PDLIM5: variants seen among roughly 807,000 people sequenced by gnomAD.
PDLIM5 encodes PDZ and LIM domain protein 5.
Under a neutral mutation model 64.2 loss-of-function variants are expected in PDLIM5, and 34 were observed. The observed-to-expected ratio is 0.53, with a 90% CI of 0.40 to 0.71. The LOEUF is 0.71. PDLIM5 is among the 30% of genes least tolerant of loss of function. The probability of loss-of-function intolerance (pLI) is 0.00; values close to 1 mark genes in which losing one functional copy is unlikely to be tolerated. For synonymous variants in PDLIM5, 253 were observed against 269.1 expected (o/e 0.94, Z 0.59); for missense variants, 683 against 733.6 (o/e 0.93, Z 0.80).
At chr4:94,651,152 T>C (rs765169550) in intron 9 of PDLIM5, among the ~76,000 whole-genome samples, 51 of 152,222 alleles carry the variant, frequency 3.4e-4, no homozygotes, top group Non-Finnish European at 6.5e-4. Flanking sequence ...AACACTTTGC[T>C]ATATGTGAAA....
intron 7 of PDLIM5, among the ~76,000 whole-genome samples, chr4:94,595,615 G>GT (rs1216996675): frequency 6.6e-6 from 1 of 152,116 alleles, no homozygotes; most frequent in Non-Finnish European, 1.5e-5. Context: ...TGTTTTGTAA[G>GT]TTTTTTTAAA....
chr4:94,455,739 T>A, intron 2 of PDLIM5: 1 of 1,484,870 alleles, frequency 6.7e-7, no homozygotes, highest in South Asian at 1.2e-5. Flanking sequence ...TTTAATAATC[T>A]CTTTCAGTTC....
chr4:94,459,926 C>G (rs150218243), intron 2 of PDLIM5, among the ~76,000 whole-genome samples: 408 of 152,290 alleles, frequency 2.7e-3, no homozygotes, highest in African/African-American at 8.8e-3. Context: ...ATTCTCCAGA[C>G]CTGCCAGCTG....
At chr4:94,595,746 T>C (rs1049205808) in intron 7 of PDLIM5, among the ~76,000 whole-genome samples, 3 of 152,210 alleles carry the variant, frequency 2.0e-5, no homozygotes, top group Admixed American at 1.3e-4. Context: ...TGACATATCC[T>C]TATTAAGACA....
intron 2 of PDLIM5, among the ~76,000 whole-genome samples, chr4:94,464,722 A>G (rs985083801): frequency 6.6e-6 from 1 of 152,162 alleles, no homozygotes; most frequent in African/African-American, 2.4e-5. Flanking sequence ...CAAATATCCT[A>G]CAAATGGTTG....
At chr4:94,649,218 C>T (rs927651988) in intron 9 of PDLIM5, among the ~76,000 whole-genome samples, 1 of 152,060 alleles carries the variant, frequency 6.6e-6, no homozygotes, top group Non-Finnish European at 1.5e-5. Flanking sequence ...TCAAGTGATC[C>T]GCCCGTCTCA....
chr4:94,559,491 A>G (rs1733653942), intron 3 of PDLIM5, among the ~76,000 whole-genome samples: 1 of 152,234 alleles, frequency 6.6e-6, no homozygotes, highest in Non-Finnish European at 1.5e-5. Context: ...TTGGAACACT[A>G]AAGCATCAGC....
At chr4:94,533,337 G>A (rs1289200059) in intron 3 of PDLIM5, among the ~76,000 whole-genome samples, 1 of 152,100 alleles carries the variant, frequency 6.6e-6, no homozygotes, top group Non-Finnish European at 1.5e-5. Flanking sequence ...TTCTCTGAAG[G>A]AAAACTTACT....
chr4:94,491,268 A>G (rs935479349), intron 2 of PDLIM5, among the ~76,000 whole-genome samples: 3 of 152,108 alleles, frequency 2.0e-5, no homozygotes, highest in African/African-American at 7.2e-5. Context: ...TAAGCTTTTG[A>G]GGTATTCAGG....
chr4:94,573,235 T>G (rs1342239107), intron 3 of PDLIM5, 116 bp from the exon 4 acceptor site: 4 of 715,778 alleles, frequency 5.6e-6, no homozygotes, highest in Non-Finnish European at 9.3e-6. Context: ...AAACGATACA[T>G]TCCAGTGATT....
intron 4 of PDLIM5, 78 bp from the exon 5 acceptor site, chr4:94,575,538 C>G: frequency 1.6e-5 from 16 of 1,000,194 alleles, no homozygotes; most frequent in Non-Finnish European, 2.4e-5. Flanking sequence ...AAAAAATCAG[C>G]TCTGTGTTCT....
At chr4:94,492,835 TG>T (rs1450270076) in intron 2 of PDLIM5, among the ~76,000 whole-genome samples, 5 of 152,226 alleles carry the variant, frequency 3.3e-5, no homozygotes, top group Non-Finnish European at 7.4e-5. Context: ...TGTGAACATT[TG>T]TGCACAAATT....
At chr4:94,487,552 G>A (rs564293960) in intron 2 of PDLIM5, among the ~76,000 whole-genome samples, 3 of 152,264 alleles carry the variant, frequency 2.0e-5, no homozygotes, top group Admixed American at 2.0e-4. Flanking sequence ...GAGGTGAAAG[G>A]CATTGAGAAA....
chr4:94,530,524 T>C (rs1730772671), intron 3 of PDLIM5, among the ~76,000 whole-genome samples: 1 of 5,630 alleles, frequency 1.8e-4, no homozygotes, highest in African/African-American at 1.9e-4. Context: ...TATATATATA[T>C]ATATATATAT....
chr4:94,628,794 T>G (rs1444528048), intron 8 of PDLIM5, among the ~76,000 whole-genome samples: 1 of 152,186 alleles, frequency 6.6e-6, no homozygotes, highest in Non-Finnish European at 1.5e-5. Flanking sequence ...CATCCAAATA[T>G]GAGCAAAATT....
At chr4:94,624,343 T>C (rs1739494574) in intron 8 of PDLIM5, among the ~76,000 whole-genome samples, 1 of 151,986 alleles carries the variant, frequency 6.6e-6, no homozygotes, top group Non-Finnish European at 1.5e-5. Context: ...ATTTACTGCA[T>C]ATAAGGAACC....
rs114246475 is a variant in PDLIM5, at chr4:94,584,925, C to T, written c.711-640C>T. On this transcript the variant is annotated intron_variant, in intron 5 of 12. Coordinates refer to ENST00000317968, the MANE Select transcript of PDLIM5 (RefSeq NM_006457.5). ...TGTTTTCTTTTTTTCTTATCATTTT[C>T]CTTTCCTTTTTCTTCATGTTGGAAA... is the stretch of plus-strand genomic sequence containing the variant. 674 of 1,070,558 alleles carry T rather than the reference C, an allele frequency of 6.3e-4. 2 individuals carry two copies. In the African/African-American group the frequency reaches 9.9e-3, roughly 16 times the overall value. 66.3% of individuals were successfully genotyped at this position (1,070,558 alleles called of 1,614,324 possible).
chr4:94,466,015 G>A (rs1724334297), intron 2 of PDLIM5, among the ~76,000 whole-genome samples: 2 of 151,908 alleles, frequency 1.3e-5, no homozygotes, highest in South Asian at 2.1e-4. Flanking sequence ...GGGCTGGAGT[G>A]CAGTGGCACT....
intron 2 of PDLIM5, among the ~76,000 whole-genome samples, chr4:94,471,848 CT>C (rs1257180416): frequency 2.0e-5 from 3 of 151,840 alleles, no homozygotes; most frequent in African/African-American, 7.3e-5. Flanking sequence ...TGTAAGTTAC[CT>C]TATAAGTATT....
Sources: gnomAD v4.1 joint callset for allele counts (sites outside exome capture counted in the v4.1 genomes callset) on GRCh38, gnomAD v4.1.1 for gene constraint, MANE v1.5 for transcripts, NCBI Gene and HGNC (gene_info 2026-07-23, HGNC 2026-07-21) for gene names.